The following UGT1A7 variants were observed in gnomAD, a reference collection of about 807,000 sequenced individuals.
The protein encoded by UGT1A7 is UDP glucuronosyltransferase family 1 member A7.
UGT1A7 carries 33 observed loss-of-function variants against 45.6 expected under a neutral mutation model. The ratio of observed to expected loss-of-function variants is 0.72; its 90% CI spans 0.55 to 0.97. The LOEUF (loss-of-function observed/expected upper bound fraction) is 0.97, where lower values mean the gene tolerates loss of function less well. Ranked by LOEUF, UGT1A7 falls within the 50% of genes least tolerant of loss-of-function variation. UGT1A7 has a pLI of 0.00. For synonymous variants in UGT1A7, 274 were observed against 250.6 expected, an observed-to-expected ratio of 1.09 and a Z score of -0.88; for missense variants, 684 against 666.2, an observed-to-expected ratio of 1.03 and a Z score of -0.29.
In UGT1A7 at chr2:233,754,557, G is replaced by A. The variant is rs1055714391; in HGVS notation, c.856-12477G>A. 5.9e-5 allele frequency: 23 copies of A among 390,464 alleles called. No individual in the cohort carries two copies. The Admixed American group carries it at 7.3e-4, about 12-fold the overall frequency. The allele number at this position is 390,464 out of a possible 1,614,324, so 24.2% of individuals were successfully genotyped here. A position where few individuals can be genotyped will look rare whatever the true frequency, so the allele number is the denominator to read the frequency against. On this transcript the variant is annotated intron_variant, in intron 1 of 4. Coordinates refer to ENST00000373426, the MANE Select transcript of UGT1A7 (RefSeq NM_019077.3). ...TGGACTGGAATTACTTGGTGTCAAT[G>A]GGGAGCAACTGCTCTATGCCGTTTA...
At chr2:233,733,588 G>A (rs965491373) in intron 1 of UGT1A7, among the ~76,000 whole-genome samples, 3 of 152,178 alleles carry the variant, frequency 2.0e-5, no homozygotes, top group African/African-American at 7.2e-5. Flanking sequence ...CATTGGTTCT[G>A]TTTATGTGAT....
intron 1 of UGT1A7, chr2:233,721,872 T>C: frequency 2.0e-6 from 1 of 500,280 alleles, no homozygotes. Context: ...TGGGCACACT[T>C]GCCAGCCCCT....
At chr2:233,743,710 G>A (rs199592554) in intron 1 of UGT1A7, 114 of 1,367,318 alleles carry the variant, frequency 8.3e-5, no homozygotes, top group East Asian at 1.8e-4. Context: ...CCCCCGCCTC[G>A]CCATAGCGGT....
chr2:233,751,406 G>T (rs1694719923), intron 1 of UGT1A7, among the ~76,000 whole-genome samples: 1 of 152,120 alleles, frequency 6.6e-6, no homozygotes, highest in South Asian at 2.1e-4. Context: ...TTTGGACTAT[G>T]GACTTTTGAG....
chr2:233,767,810 T>C lies in UGT1A7; in HGVS notation c.988-39T>C, dbSNP rs547285080. ...GCAGATTTGTTTTCTAATCATATTA[T>C]GTTCTTTCTTTACGTTCTGCTCTTT... On this transcript the variant is annotated intron_variant, in intron 2 of 4. Transcript: ENST00000373426. 20 of 1,614,194 alleles carry C rather than the reference T, an allele frequency of 1.2e-5. No homozygotes were observed. The South Asian group carries it at 1.9e-4, about 15-fold the overall frequency.
intron 1 of UGT1A7, among the ~76,000 whole-genome samples, chr2:233,712,117 G>T (rs1456022041): frequency 6.6e-6 from 1 of 152,198 alleles, no homozygotes; most frequent in Non-Finnish European, 1.5e-5. Flanking sequence ...AAGCAGACTT[G>T]CAGAAGACTG....
At chr2:233,765,952 G>A (rs898895578) in intron 1 of UGT1A7, among the ~76,000 whole-genome samples, 1 of 152,064 alleles carries the variant, frequency 6.6e-6, no homozygotes, top group Non-Finnish European at 1.5e-5. Context: ...TGACCTCACC[G>A]GCAGTGTCTA....
intron 4 of UGT1A7, chr2:233,771,178 A>T (rs1700251427): frequency 6.6e-6 from 1 of 152,240 alleles, no homozygotes; most frequent in African/African-American, 2.4e-5. Flanking sequence ...GGGGATTACA[A>T]TTCAACATGA....
chr2:233,688,585 G>C (rs924623717), intron 1 of UGT1A7, among the ~76,000 whole-genome samples: 1 of 152,028 alleles, frequency 6.6e-6, no homozygotes, highest in African/African-American at 2.4e-5. Context: ...ATCTTGTTTT[G>C]GTTGGTGTTA....
At chr2:233,683,989 G>T (rs4433994) in intron 1 of UGT1A7, among the ~76,000 whole-genome samples, 103,718 of 152,064 alleles carry the variant, frequency 0.68, 36,584 homozygotes, top group African/African-American at 0.86. Flanking sequence ...TGAAAAAGTC[G>T]TGACAAATAC....
intron 1 of UGT1A7, among the ~76,000 whole-genome samples, chr2:233,747,063 C>T (rs1043873041): frequency 4.6e-5 from 7 of 151,894 alleles, no homozygotes; most frequent in African/African-American, 1.2e-4. Flanking sequence ...ATTGGTTAAT[C>T]GGTAATAATT....
At chr2:233,724,943 T>TC (rs1416863608) in intron 1 of UGT1A7, among the ~76,000 whole-genome samples, 2 of 143,908 alleles carry the variant, frequency 1.4e-5, no homozygotes, top group Non-Finnish European at 3.0e-5. Context: ...CCGTCTGCAA[T>TC]CCCGGCACCT....
At chr2:233,760,524 C>A in intron 1 of UGT1A7, 1 of 1,614,240 alleles carries the variant, frequency 6.2e-7, no homozygotes, top group Non-Finnish European at 8.5e-7. Context: ...TGAAGACGTA[C>A]CCTGTGCCAT....
At chr2:233,692,951 T>G (rs2075122028) in intron 1 of UGT1A7, 1 of 1,602,764 alleles carries the variant, frequency 6.2e-7, no homozygotes, top group East Asian at 2.2e-5. Context: ...AGGAGCCCTG[T>G]GATTTGGAGA....
At chr2:233,762,422 T>TAG (rs1438123944) in intron 1 of UGT1A7, among the ~76,000 whole-genome samples, 1 of 152,242 alleles carries the variant, frequency 6.6e-6, no homozygotes, top group East Asian at 1.9e-4. Flanking sequence ...TTCTACAAAA[T>TAG]AGAGTAACAG....
intron 1 of UGT1A7, chr2:233,760,398 C>T (rs1018382617): frequency 6.2e-7 from 1 of 1,614,186 alleles, no homozygotes; most frequent in Non-Finnish European, 8.5e-7. Flanking sequence ...CAGTGGATGG[C>T]AGCCACTGGC....
At chr2:233,713,078 G>A in intron 1 of UGT1A7, 4 of 1,614,202 alleles carry the variant, frequency 2.5e-6, no homozygotes, top group Non-Finnish European at 3.4e-6. Context: ...CTGAGAGTGG[G>A]AAGGTGCTGG....
At position 233,682,159 on chromosome 2, in the gene UGT1A7, G is replaced by A; in HGVS notation, c.222G>A (p.Val74=). ...TGGGAAGATCACTGAATTGCACAGT[G>A]AAGACTTACTCAACCTCATACACTC... ...WQLGRSLNCT[V]KTYSTSYTLE... The change falls in exon 1 of 5, where the codon GTG becomes GTA. Residue 74 remains valine, a synonymous_variant. Transcript: ENST00000373426. 6.2e-7 allele frequency: 1 copy of A among 1,614,210 alleles called. No homozygotes were observed. The highest frequency in any genetic ancestry group is 1.1e-5 in the South Asian group (1 of 91,074).
chr2:233,708,476 G>A (rs2092189867), intron 1 of UGT1A7: 1 of 152,210 alleles, frequency 6.6e-6, no homozygotes, highest in African/African-American at 2.4e-5. Flanking sequence ...AACTGGCTGA[G>A]CGTGGTGGCT....
Sources: gnomAD v4.1 joint callset for allele counts (sites outside exome capture counted in the v4.1 genomes callset) on GRCh38, gnomAD v4.1.1 for gene constraint, MANE v1.5 for transcripts, NCBI Gene and HGNC (gene_info 2026-07-23, HGNC 2026-07-21) for gene names.